Variants in PTPRC observed in about 807,000 individuals in gnomAD.
The protein encoded by PTPRC is receptor-type tyrosine-protein phosphatase C.
PTPRC carries 44 observed loss-of-function variants against 155.9 expected under a neutral mutation model. That is an observed-to-expected ratio of 0.28 (90% CI 0.22 to 0.36). PTPRC has a LOEUF of 0.36. Among genes scored for constraint, PTPRC ranks in the 10% least tolerant of loss-of-function variants. The probability of loss-of-function intolerance (pLI) is 1.00; values close to 1 mark genes in which losing one functional copy is unlikely to be tolerated. For synonymous variants in PTPRC, 525 were observed against 533.1 expected (o/e 0.98, Z 0.21); for missense variants, 1,401 against 1,564.6 (o/e 0.90, Z 1.76).
At chr1:198,715,405 A>T (rs1653537369) in intron 12 of PTPRC, among the ~76,000 whole-genome samples, 2 of 151,014 alleles carry the variant, frequency 1.3e-5, no homozygotes, top group East Asian at 3.9e-4. Flanking sequence ...GTGTTTGTTT[A>T]TTTTTCCTCA....
At chr1:198,666,434 G>T (rs1171019570) in intron 2 of PTPRC, among the ~76,000 whole-genome samples, 1 of 151,938 alleles carries the variant, frequency 6.6e-6, no homozygotes, top group African/African-American at 2.4e-5. Flanking sequence ...AGATGCTTTG[G>T]TATATGTAAT....
chr1:198,717,880 T>G (rs1221618263), intron 13 of PTPRC, among the ~76,000 whole-genome samples: 1 of 152,190 alleles, frequency 6.6e-6, no homozygotes, highest in Non-Finnish European at 1.5e-5. Flanking sequence ...CATGGCTTCA[T>G]GTACAACCTA....
chr1:198,671,115 A>C (rs1664616973), intron 2 of PTPRC, among the ~76,000 whole-genome samples: 1 of 151,792 alleles, frequency 6.6e-6, no homozygotes, highest in East Asian at 1.9e-4. Flanking sequence ...ATTTTTTGAA[A>C]TGTAAAAAAA....
intron 2 of PTPRC, among the ~76,000 whole-genome samples, chr1:198,671,575 A>T (rs932662848): frequency 6.6e-6 from 1 of 152,172 alleles, no homozygotes; most frequent in Admixed American, 6.5e-5. Flanking sequence ...TGTGACTTCT[A>T]CATCTATAGC....
intron 12 of PTPRC, among the ~76,000 whole-genome samples, chr1:198,713,992 G>A (rs1653440758): frequency 6.6e-6 from 1 of 152,096 alleles, no homozygotes; most frequent in Admixed American, 6.5e-5. Flanking sequence ...AAATATGCAT[G>A]TAGTTTTCAA....
At chr1:198,750,991 G>A (rs1390628539) in intron 29 of PTPRC, among the ~76,000 whole-genome samples, 6 of 151,916 alleles carry the variant, frequency 3.9e-5, no homozygotes, top group Non-Finnish European at 8.8e-5. Context: ...CCCCTCATGT[G>A]TCTTTCATCT....
At chr1:198,680,244 G>A (rs981699016) in intron 2 of PTPRC, among the ~76,000 whole-genome samples, 3 of 152,168 alleles carry the variant, frequency 2.0e-5, no homozygotes, top group Admixed American at 1.3e-4. Flanking sequence ...ACCTAAGGAC[G>A]GAGTTCGAGA....
intron 3 of PTPRC, among the ~76,000 whole-genome samples, chr1:198,696,375 G>T: frequency 6.6e-6 from 1 of 151,272 alleles, no homozygotes; most frequent in Non-Finnish European, 1.5e-5. Flanking sequence ...GAACTCAATT[G>T]CTTTGGATAG....
At chr1:198,755,779 C>A (rs1395342875) in intron 32 of PTPRC, 127 bp from the exon 33 acceptor site, 2 of 1,039,450 alleles carry the variant, frequency 1.9e-6, no homozygotes, top group Non-Finnish European at 2.9e-6. Context: ...GAGAACATAT[C>A]AAAAAGTACT....
chr1:198,671,198 C>T (rs1392352564), intron 2 of PTPRC, among the ~76,000 whole-genome samples: 3 of 152,108 alleles, frequency 2.0e-5, no homozygotes, highest in Non-Finnish European at 4.4e-5. Flanking sequence ...TGCTTGTTCT[C>T]CCAGCACACC....
At chr1:198,693,066 A>T in intron 3 of PTPRC, 1 of 977,134 alleles carries the variant, frequency 1.0e-6, no homozygotes, top group Non-Finnish European at 1.2e-6. Flanking sequence ...GACAGTATGC[A>T]TTAAGAAGGT....
intron 29 of PTPRC, among the ~76,000 whole-genome samples, chr1:198,751,888 G>A (rs1318080817): frequency 6.6e-6 from 1 of 152,008 alleles, no homozygotes; most frequent in African/African-American, 2.4e-5. Context: ...AAAGGGTCAT[G>A]AATAACATTG....
At chr1:198,704,041 G>C (rs755083617) in intron 7 of PTPRC, among the ~76,000 whole-genome samples, 1 of 152,092 alleles carries the variant, frequency 6.6e-6, no homozygotes, top group Non-Finnish European at 1.5e-5. Flanking sequence ...AGAGAATGAA[G>C]CAGTCTTTGC....
rs745328274 is a variant in PTPRC at position 198,744,142 on chromosome 1, T to G, written c.2786T>G (p.Leu929Arg). Residue 929 changes from leucine (L) to arginine (R), a missense_variant, in exon 26 of 33, where the codon CTA (leucine) becomes CGA (arginine). Around this residue, in one of 3 missense-constraint regions of PTPRC, gnomAD observed 134 missense variants for 204.7 expected, o/e 0.65. Coordinates refer to ENST00000442510, the MANE Select transcript of PTPRC (RefSeq NM_002838.5). ...EVNLSELHPY[L>R]HNMKKRDPPS... ...AATTTGTCTGAATTACATCCATATCTACATAACATGAAGAAAAGGGATCCA... is the reference window on the plus strand; with the variant it reads ...AATTTGTCTGAATTACATCCATATCGACATAACATGAAGAAAAGGGATCCA... 1.9e-6 allele frequency: 3 copies of G among 1,606,056 alleles called. No homozygotes were observed. Among genetic ancestry groups the G allele is most frequent in the South Asian group, 2.2e-5 (2 of 90,930 alleles).
chr1:198,655,364 A>T (rs1344876620), intron 2 of PTPRC, among the ~76,000 whole-genome samples: 1 of 152,086 alleles, frequency 6.6e-6, no homozygotes. Context: ...ATTTCAACGC[A>T]TCTATTTTAC....
rs78479704 is a variant in PTPRC, at chr1:198,697,650, A to C, written c.298+741A>C. Reference sequence around the variant, plus strand: ...CAGATTTACCATCAGTAGAGTGTTCATGCTTTTCTGAAATAATGTGTTATG... The same window carrying C: ...CAGATTTACCATCAGTAGAGTGTTCCTGCTTTTCTGAAATAATGTGTTATG... On this transcript the variant is annotated intron_variant, in intron 4 of 32. Coordinates refer to ENST00000442510, the MANE Select transcript of PTPRC (RefSeq NM_002838.5). Among the ~76,000 whole-genome samples the C allele has an allele frequency of 1.7e-3, 261 of 152,322 alleles. 1 individual carries two copies. The highest frequency in any genetic ancestry group is 5.9e-3 in the African/African-American group (246 of 41,574).
chr1:198,689,432 G>C (rs1665807998), intron 2 of PTPRC, among the ~76,000 whole-genome samples: 1 of 152,136 alleles, frequency 6.6e-6, no homozygotes, highest in South Asian at 2.1e-4. Context: ...TATAGTTGGT[G>C]CTACACATTT....
chr1:198,751,485 C>T (rs1024074930), intron 29 of PTPRC, among the ~76,000 whole-genome samples: 1 of 152,008 alleles, frequency 6.6e-6, no homozygotes, highest in African/African-American at 2.4e-5. Flanking sequence ...CACTCTTTCT[C>T]ACCCTCACCT....
intron 23 of PTPRC, among the ~76,000 whole-genome samples, chr1:198,737,722 T>C (rs994802969): frequency 6.6e-6 from 1 of 151,754 alleles, no homozygotes; most frequent in Admixed American, 6.6e-5. Flanking sequence ...TTGATAGATA[T>C]TGCATTGAAT....
Sources: allele counts gnomAD v4.1 joint callset (sites outside exome capture counted in the v4.1 genomes callset), GRCh38; gene constraint gnomAD v4.1.1; regional missense constraint gnomAD v4.1.1; transcripts MANE v1.5; gene names NCBI Gene and HGNC (gene_info 2026-07-23, HGNC 2026-07-21).